CREB5: variants seen among roughly 807,000 people sequenced by gnomAD.
CREB5 encodes cyclic AMP-responsive element-binding protein 5.
A neutral mutation model predicts 57.1 loss-of-function variants in CREB5; 19 were observed. The ratio of observed to expected loss-of-function variants is 0.33; its 90% CI spans 0.23 to 0.49. CREB5 has a LOEUF of 0.49. CREB5 is among the 20% of genes least tolerant of loss of function. The probability of loss-of-function intolerance (pLI) is 0.99; values close to 1 mark genes in which losing one functional copy is unlikely to be tolerated. For missense variants in CREB5, 579 were observed against 671.6 expected (o/e 0.86, Z 1.52); for synonymous variants, 238 against 238.3 (o/e 1.00, Z 0.01).
chr7:28,412,869 T>A lies in CREB5; in HGVS notation c.-46T>A, dbSNP rs769919698. Reference sequence around the variant, plus strand: ...AAAGAAAGGAAGAAAAAACTTGATTTGGTGACTGCAGGAAGCAACACGTTG... The same window carrying A: ...AAAGAAAGGAAGAAAAAACTTGATTAGGTGACTGCAGGAAGCAACACGTTG... On this transcript the variant is annotated 5_prime_UTR_variant, in exon 1 of 11. Coordinates refer to ENST00000357727, the MANE Select transcript of CREB5 (RefSeq NM_182898.4). 21 of 1,457,864 alleles carry A rather than the reference T, an allele frequency of 1.4e-5. No individual in the cohort carries two copies. The highest frequency in any genetic ancestry group is 1.8e-4 in the Middle Eastern group (1 of 5,450). The allele number at this position is 1,457,864 out of a possible 1,614,324, so 90.3% of individuals were successfully genotyped here.
At chr7:28,518,261 G>T (rs1793060799) in intron 4 of CREB5, among the ~76,000 whole-genome samples, 1 of 152,070 alleles carries the variant, frequency 6.6e-6, no homozygotes, top group Non-Finnish European at 1.5e-5. Context: ...CCTTTTTCTG[G>T]GGCTTTATGT....
intron 5 of CREB5, among the ~76,000 whole-genome samples, chr7:28,692,724 G>T (rs950729506): frequency 6.6e-6 from 1 of 152,092 alleles, no homozygotes; most frequent in African/African-American, 2.4e-5. Context: ...AGCCGAGATC[G>T]CACCACTGCA....
chr7:28,643,751 T>TG (rs1554279434), intron 5 of CREB5, among the ~76,000 whole-genome samples: 30,493 of 133,210 alleles, frequency 0.23, 3,536 homozygotes, highest in African/African-American at 0.29. Context: ...GTTTGGGAGG[T>TG]GGGGGGGGGC....
chr7:28,385,838 C>T (rs548983166), intron 1 of CREB5, among the ~76,000 whole-genome samples: 7 of 152,076 alleles, frequency 4.6e-5, no homozygotes, highest in East Asian at 3.9e-4. Flanking sequence ...TGCAGTCACA[C>T]GAGTTTCTAG....
chr7:28,771,694 G>C (rs976151377), intron 7 of CREB5, among the ~76,000 whole-genome samples: 1 of 141,306 alleles, frequency 7.1e-6, no homozygotes. Context: ...AAACAAAAAA[G>C]TATCTGTATT....
chr7:28,566,628 AAGT>A (rs1223844694), intron 4 of CREB5, among the ~76,000 whole-genome samples: 1 of 152,126 alleles, frequency 6.6e-6, no homozygotes, highest in African/African-American at 2.4e-5. Context: ...TGAACTCAGG[AAGT>A]AATTTCATGT....
chr7:28,660,712 A>G (rs7805524), intron 5 of CREB5, among the ~76,000 whole-genome samples: 49,315 of 151,684 alleles, frequency 0.33, 8,614 homozygotes, highest in East Asian at 0.48. Context: ...CCACCCCTTC[A>G]CCTTTTCCTC....
chr7:28,498,667 C>A (rs1341289566), intron 3 of CREB5, among the ~76,000 whole-genome samples: 6 of 152,114 alleles, frequency 3.9e-5, no homozygotes, highest in Non-Finnish European at 8.8e-5. Context: ...AGAATAAGCC[C>A]TATCTTCTGG....
chr7:28,595,042 A>G (rs1796648354), intron 5 of CREB5, among the ~76,000 whole-genome samples: 1 of 151,566 alleles, frequency 6.6e-6, no homozygotes, highest in South Asian at 2.1e-4. Flanking sequence ...GAGCCCTCCC[A>G]CTCCCTGAGC....
At chr7:28,560,881 T>TGTGTGCGTGTGTGTGC (rs1554344374) in intron 4 of CREB5, among the ~76,000 whole-genome samples, 1 of 46,206 alleles carries the variant, frequency 2.2e-5, no homozygotes, top group African/African-American at 1.1e-4. Context: ...TGCGCGTGCG[T>TGTGTGCGTGTGTGTGC]GCGTGCGTGT....
chr7:28,310,006 A>G (rs1480430494), intron 1 of CREB5, among the ~76,000 whole-genome samples: 1 of 152,120 alleles, frequency 6.6e-6, no homozygotes, highest in Admixed American at 6.6e-5. Flanking sequence ...TGGAGGAGGG[A>G]TGAAAGGGTT....
chr7:28,560,866 C>CGCGTGTGTGTGTGTG (rs1562797336), intron 4 of CREB5, among the ~76,000 whole-genome samples: 2 of 50,264 alleles, frequency 4.0e-5, no homozygotes. Context: ...GTGCGTGTGC[C>CGCGTGTGTGTGTGTG]TGCGTGCGCG....
chr7:28,303,605 A>G (rs1226490617), intron 1 of CREB5, among the ~76,000 whole-genome samples: 1 of 152,246 alleles, frequency 6.6e-6, no homozygotes, highest in East Asian at 1.9e-4. Flanking sequence ...ATGGTTGCTG[A>G]AGATGAACAG....
intron 9 of CREB5, among the ~76,000 whole-genome samples, chr7:28,813,831 T>G (rs1408961826): frequency 6.6e-6 from 1 of 152,122 alleles, no homozygotes; most frequent in Non-Finnish European, 1.5e-5. Context: ...GATCTTACAG[T>G]CGCTAAACAG....
intron 5 of CREB5, among the ~76,000 whole-genome samples, chr7:28,653,173 A>T (rs1240630962): frequency 6.6e-6 from 1 of 152,154 alleles, no homozygotes; most frequent in Non-Finnish European, 1.5e-5. Context: ...TGAGACACCA[A>T]CTCTTATTCT....
At chr7:28,417,808 C>T (rs1788086500) in intron 1 of CREB5, among the ~76,000 whole-genome samples, 1 of 152,188 alleles carries the variant, frequency 6.6e-6, no homozygotes, top group Non-Finnish European at 1.5e-5. Flanking sequence ...CCCTGCAACA[C>T]ATATTTAAGA....
upstream of CREB5, chr7:28,409,236 C>T (rs1300155860): frequency 3.3e-5 from 5 of 151,080 alleles, no homozygotes; most frequent in African/African-American, 1.2e-4. This position sits in a 1 kb window ranked among gnomAD's most constrained non-coding sequence, Gnocchi z 4.4. Context: ...GCCCCCTCGA[C>T]GCGCCGGCCC....
intron 5 of CREB5, among the ~76,000 whole-genome samples, chr7:28,667,482 C>T (rs978443): frequency 0.26 from 39,322 of 151,450 alleles, 5,211 homozygotes; most frequent in Middle Eastern, 0.36. Context: ...CCATGAAATA[C>T]GCTTAGCCTG....
chr7:28,325,353 G>A (rs1785571407), intron 1 of CREB5, among the ~76,000 whole-genome samples: 1 of 152,158 alleles, frequency 6.6e-6, no homozygotes, highest in African/African-American at 2.4e-5. Context: ...TACTCGGGAG[G>A]CTGAGGCAGG....
Sources: allele counts gnomAD v4.1 joint callset (sites outside exome capture counted in the v4.1 genomes callset), GRCh38; gene constraint gnomAD v4.1.1; non-coding constraint Gnocchi (gnomAD v3.1); transcripts MANE v1.5; gene names NCBI Gene and HGNC (gene_info 2026-07-23, HGNC 2026-07-21).